ATP6V1D: variants seen among roughly 807,000 people sequenced by gnomAD.
The protein encoded by ATP6V1D is V-type proton ATPase subunit D.
Under a neutral mutation model 39.4 loss-of-function variants are expected in ATP6V1D, and 20 were observed. The ratio of observed to expected loss-of-function variants is 0.51; its 90% CI spans 0.36 to 0.74. ATP6V1D has a LOEUF of 0.74. Ranked by LOEUF, ATP6V1D falls within the 30% of genes least tolerant of loss-of-function variation. ATP6V1D has a pLI of 0.00. For missense variants in ATP6V1D, 228 were observed against 291.6 expected, an observed-to-expected ratio of 0.78 and a Z score of 1.59; for synonymous variants, 100 against 100.5, an observed-to-expected ratio of 0.99 and a Z score of 0.03.
chr14:67,347,334 C>T (rs2085625628), intron 5 of ATP6V1D, 75 bp downstream of exon 5: 2 of 1,232,752 alleles, frequency 1.6e-6, no homozygotes, highest in Non-Finnish European at 1.2e-6. Context: ...GCACCATTTT[C>T]CAGAACTTAG....
intron 8 of ATP6V1D, 73 bp downstream of exon 8, chr14:67,340,367 A>G: frequency 7.8e-7 from 1 of 1,275,638 alleles, no homozygotes; most frequent in Non-Finnish European, 1.1e-6. Flanking sequence ...ATAAACCAAC[A>G]AGTCATTCAG....
In ATP6V1D at chr14:67,338,735, CT is replaced by C; in HGVS notation, c.629del (p.Lys210ArgfsTer3). 6.2e-7 allele frequency: 1 copy of C among 1,613,174 alleles called. No individual in the cohort carries two copies. The highest frequency in any genetic ancestry group is 1.1e-5 in the South Asian group (1 of 91,018). On this transcript the variant is annotated frameshift_variant, in exon 9 of 9. Transcript: ENST00000216442. LOFTEE classifies it high-confidence loss of function. ...CCTTCTCAGATTTTTCCTTTAGAAT[CT>C]TTTTCTTCTCTTGTATTTTCTTTAA... ...YRLKKIQEKK[K>X]ILKEKSEKDL...
At chr14:67,359,447 C>A (rs2085711841) in intron 1 of ATP6V1D, among the ~76,000 whole-genome samples, 1 of 151,824 alleles carries the variant, frequency 6.6e-6, no homozygotes, top group African/African-American at 2.4e-5. Context: ...CTTTTCCTAC[C>A]GGCTGGGATC....
At chr14:67,342,181 AAAAT>A (rs138921606) in intron 7 of ATP6V1D, among the ~76,000 whole-genome samples, 25,249 of 99,442 alleles carry the variant, frequency 0.25, 2,597 homozygotes, top group Non-Finnish European at 0.27. Context: ...AATGATCAAT[AAAAT>A]AAATAAATAA....
intron 2 of ATP6V1D, 124 bp downstream of exon 2, chr14:67,352,799 A>T: frequency 1.5e-6 from 1 of 661,942 alleles, no homozygotes; most frequent in Non-Finnish European, 2.6e-6. Context: ...TGTTAAACTT[A>T]TAATGGTATT....
intron 7 of ATP6V1D, among the ~76,000 whole-genome samples, chr14:67,341,438 C>G (rs2085581751): frequency 6.6e-6 from 1 of 152,084 alleles, no homozygotes; most frequent in African/African-American, 2.4e-5. Flanking sequence ...CTCCGCCCAG[C>G]AGCCACCCCG....
chr14:67,359,663 C>A lies in ATP6V1D; in HGVS notation c.36G>T (p.Ser12=), dbSNP rs764483486. 1.5e-5 allele frequency: 25 copies of A among 1,613,928 alleles called. No individual in the cohort carries two copies. In the South Asian group the frequency reaches 1.9e-4, roughly 12 times the overall value. The change falls in exon 1 of 9, where the codon TCG becomes TCT. Residue 12 remains serine, a synonymous_variant. Transcript: ENST00000216442. ...SGKDRIEIFP[S]RMAQTIMKAR... ...TATCCCATTCCTTTACTTACATTCG[C>A]GAGGGAAAGATTTCAATTCGGTCTT...
In ATP6V1D at chr14:67,338,320, T is replaced by G; in HGVS notation, c.*301A>C. 1 of 225,652 alleles carries G rather than the reference T, an allele frequency of 4.4e-6. No individual in the cohort carries two copies. The highest frequency in any genetic ancestry group is 8.6e-6 in the Non-Finnish European group (1 of 116,446). The allele number at this position is 225,652 out of a possible 1,614,324, so 14.0% of individuals were successfully genotyped here. A position where few individuals can be genotyped will look rare whatever the true frequency, so the allele number is the denominator to read the frequency against. On this transcript the variant is annotated 3_prime_UTR_variant, in exon 9 of 9. Coordinates refer to ENST00000216442, the MANE Select transcript of ATP6V1D (RefSeq NM_015994.4). ...ACCGCTAATGCTTCCTAAGAGGTAT[T>G]TCCTAATATGCTTGGTAAGCAGATC...
chr14:67,349,012 G>A, intron 4 of ATP6V1D, 25 bp downstream of exon 4: 1 of 1,604,768 alleles, frequency 6.2e-7, no homozygotes, highest in African/African-American at 1.3e-5. Context: ...CTCCCCAAAG[G>A]GTTTCTAAAA....
chr14:67,350,792 C>T lies in ATP6V1D; in HGVS notation c.160-102G>A, dbSNP rs139915010. 3,880 of 1,109,046 alleles carry T rather than the reference C, an allele frequency of 3.5e-3. 199 individuals carry two copies. In the Admixed American group the frequency reaches 0.077, roughly 22 times the overall value. The allele number at this position is 1,109,046 out of a possible 1,614,324, so 68.7% of individuals were successfully genotyped here. On this transcript the variant is annotated intron_variant, in intron 2 of 8. Coordinates refer to ENST00000216442, the MANE Select transcript of ATP6V1D (RefSeq NM_015994.4). ...AATAACCATCAGTATTTTATGCTGG[C>T]TGTGCATGTAAATATTGGTTTGATA... is the stretch of plus-strand genomic sequence containing the variant.
rs201034756 is a variant in ATP6V1D at position 67,347,496 on chromosome 14, TTC to T, written c.308-45_308-44del. On this transcript the variant is annotated intron_variant, in intron 4 of 8. Transcript: ENST00000216442. ...ATACATGGATTCATAAACCTTTAAG[TTC>T]TCTCTTTTTTTTTTTTTTCTGAGAC... is the stretch of plus-strand genomic sequence containing the variant. The T allele has an allele frequency of 1.2e-4, 169 of 1,424,160 alleles. 3 individuals carry two copies. The highest frequency in any genetic ancestry group is 2.0e-4 in the East Asian group (8 of 39,412). 88.2% of individuals were successfully genotyped at this position (1,424,160 alleles called of 1,614,324 possible).
At chr14:67,348,960 C>A (rs1595636288) in intron 4 of ATP6V1D, 77 bp downstream of exon 4, 4 of 1,352,374 alleles carry the variant, frequency 3.0e-6, no homozygotes, top group Non-Finnish European at 4.2e-6. Context: ...ACATTAAGAT[C>A]TTGCTGTATA....
At chr14:67,341,571 AG>A (rs561995961) in intron 7 of ATP6V1D, among the ~76,000 whole-genome samples, 3,111 of 146,800 alleles carry the variant, frequency 0.021, 125 homozygotes, top group African/African-American at 0.076. Context: ...TGGGGGGGTC[AG>A]CCCCCGCCAG....
chr14:67,345,327 C>A (rs149625585), intron 6 of ATP6V1D, among the ~76,000 whole-genome samples: 3 of 151,962 alleles, frequency 2.0e-5, no homozygotes, highest in African/African-American at 7.3e-5. Flanking sequence ...GAGGCCGAGG[C>A]GGGTGGATCA....
Position 67,349,091 on chromosome 14 carries a change from G to A in ATP6V1D, c.253C>T (p.Gln85Ter). The A allele has an allele frequency of 6.2e-7, 1 of 1,613,968 alleles. No individual in the cohort carries two copies. Among genetic ancestry groups the A allele is most frequent in the Non-Finnish European group, 8.5e-7 (1 of 1,179,940 alleles). The part of the protein sequence containing the change: ...TAGDFSTTVI[Q>*]NVNKAQVKIR... ...TTCACTTGCGCTTTATTGACATTTT[G>A]GATAACTGTAGTGCTGCAGAAAAAG... is the stretch of plus-strand genomic sequence containing the variant. Residue 85 changes from glutamine (Q) to a stop codon, truncating the protein, a stop_gained, in exon 4 of 9, where the codon CAA (glutamine) becomes TAA (stop). Transcript: ENST00000216442. LOFTEE classifies it high-confidence loss of function.
rs770801203 is a variant in ATP6V1D, at chr14:67,354,403, T to C, written c.42-1363A>G. Among the ~76,000 whole-genome samples the C allele has an allele frequency of 2.0e-5, 3 of 152,212 alleles. No individual in the cohort carries two copies. In the East Asian group the frequency reaches 5.8e-4, roughly 29 times the overall value. On this transcript the variant is annotated intron_variant, in intron 1 of 8. Transcript: ENST00000216442. The stretch of plus-strand genomic sequence containing the variant: ...GGATTTAAAAATCTATCCACTAATA[T>C]ATATCAAAATTTTAAATGCAATTAT...
At chr14:67,341,488 A>C (rs1301047554) in intron 7 of ATP6V1D, among the ~76,000 whole-genome samples, 4 of 151,098 alleles carry the variant, frequency 2.6e-5, no homozygotes, top group African/African-American at 7.3e-5. Context: ...CGGCCCGGCC[A>C]GCCGCCCCGT....
chr14:67,343,332 T>A, intron 7 of ATP6V1D, 40 bp downstream of exon 7: 1 of 1,500,736 alleles, frequency 6.7e-7, no homozygotes, highest in East Asian at 2.3e-5. Context: ...GTGGAGGGTA[T>A]GGACAAGTGA....
At chr14:67,357,387 T>G (rs764068538) in intron 1 of ATP6V1D, among the ~76,000 whole-genome samples, 2 of 152,210 alleles carry the variant, frequency 1.3e-5, no homozygotes, top group Non-Finnish European at 2.9e-5. Flanking sequence ...TCTGACTACA[T>G]GACAAAAAGC....
Sources: allele counts gnomAD v4.1 joint callset (sites outside exome capture counted in the v4.1 genomes callset), GRCh38; gene constraint gnomAD v4.1.1; transcripts MANE v1.5; gene names NCBI Gene and HGNC (gene_info 2026-07-23, HGNC 2026-07-21).